The following NAV3 variants were observed in gnomAD, a reference collection of about 807,000 sequenced individuals.
NAV3 encodes neuron navigator 3, also known as pore membrane and/or filament interacting like protein 1.
In NAV3, 87 loss-of-function variants were observed where a neutral mutation model predicts 244.7. The observed-to-expected ratio is 0.36, with a 90% CI of 0.30 to 0.42. The LOEUF (loss-of-function observed/expected upper bound fraction) is 0.42, where lower values mean the gene tolerates loss of function less well. Ranked by LOEUF, NAV3 falls within the 20% of genes least tolerant of loss-of-function variation. NAV3 has a pLI of 1.00. For missense variants in NAV3, 2,663 were observed against 2,893.3 expected, an observed-to-expected ratio of 0.92 and a Z score of 1.83; for synonymous variants, 1,126 against 1,042.2, an observed-to-expected ratio of 1.08 and a Z score of -1.55.
intron 2 of NAV3, among the ~76,000 whole-genome samples, chr12:77,734,794 A>C (rs148927529): frequency 1.5e-4 from 23 of 152,284 alleles, no homozygotes; most frequent in African/African-American, 5.5e-4. Context: ...GCTAGGCAGG[A>C]CTGCCTAATG....
intron 7 of NAV3, among the ~76,000 whole-genome samples, chr12:78,001,534 G>A (rs1873306738): frequency 1.3e-5 from 2 of 152,282 alleles, no homozygotes; most frequent in South Asian, 2.1e-4. Context: ...CTTTTCATAT[G>A]TATGATTTGT....
intron 2 of NAV3, among the ~76,000 whole-genome samples, chr12:77,758,200 ACTCT>A (rs1869280422): frequency 6.6e-6 from 1 of 151,742 alleles, no homozygotes; most frequent in Non-Finnish European, 1.5e-5. Context: ...TCTTTTCATC[ACTCT>A]CTATCCTTTT....
chr12:77,702,553 C>G (rs1017165536), intron 2 of NAV3, among the ~76,000 whole-genome samples: 1 of 151,840 alleles, frequency 6.6e-6, no homozygotes, highest in Non-Finnish European at 1.5e-5. Flanking sequence ...TTCATAAAAA[C>G]AGATTTGAAT....
chr12:78,188,528 C>G (rs989257198), intron 32 of NAV3, 81 bp from the exon 33 acceptor site: 6 of 1,389,964 alleles, frequency 4.3e-6, no homozygotes, highest in African/African-American at 1.4e-5. Context: ...ACAACTAGCT[C>G]TATATCCCTG....
chr12:77,846,254 A>G (rs1876614293), intron 1 of NAV3, among the ~76,000 whole-genome samples: 1 of 152,236 alleles, frequency 6.6e-6, no homozygotes, highest in African/African-American at 2.4e-5. Flanking sequence ...TTTAGGTATG[A>G]ACTATCTGAG....
At chr12:77,667,280 G>A (rs184166318) in intron 2 of NAV3, among the ~76,000 whole-genome samples, 10 of 152,248 alleles carry the variant, frequency 6.6e-5, no homozygotes, top group African/African-American at 2.4e-4. Context: ...GAAGGAACTG[G>A]ATTGCTGCCG....
chr12:77,959,720 AAATTT>A (rs1891702122), intron 3 of NAV3, among the ~76,000 whole-genome samples: 1 of 151,838 alleles, frequency 6.6e-6, no homozygotes, highest in East Asian at 1.9e-4. Context: ...TAATGGTAAC[AAATTT>A]TCCCCACACA....
chr12:78,051,281 G>A, intron 11 of NAV3, 134 bp downstream of exon 11: 1 of 935,288 alleles, frequency 1.1e-6, no homozygotes, highest in Non-Finnish European at 1.6e-6. Flanking sequence ...GTTATTCAGA[G>A]TGTTGAAGGG....
At chr12:77,828,274 G>A (rs1265181274), upstream of NAV3, among the ~76,000 whole-genome samples, 1 of 152,088 alleles carries the variant, frequency 6.6e-6, no homozygotes, top group African/African-American at 2.4e-5. Flanking sequence ...TCCACCATGG[G>A]TAGATGCAGC....
intron 12 of NAV3, among the ~76,000 whole-genome samples, chr12:78,060,728 A>C (rs1195590550): frequency 6.6e-6 from 1 of 152,226 alleles, no homozygotes; most frequent in Non-Finnish European, 1.5e-5. Flanking sequence ...AAAATGAGTT[A>C]TGTGAAAAAT....
At chr12:77,591,771 A>G (rs1180077398) in intron 2 of NAV3, among the ~76,000 whole-genome samples, 1 of 152,194 alleles carries the variant, frequency 6.6e-6, no homozygotes, top group Non-Finnish European at 1.5e-5. Flanking sequence ...ATGTATGTGT[A>G]TGTTTGTATA....
rs12296835 is a variant in NAV3 at position 77,758,357 on chromosome 12, G to A, written c.73-181962G>A. On this transcript the variant is annotated intron_variant, in intron 2 of 8. Transcript: ENST00000550042. ...CAGAGACTATTTTGTTCATTGTACA[G>A]CCTAGTACCTACAATGTTAGTTGGC... Among the ~76,000 whole-genome samples the A allele has an allele frequency of 7.0e-3, 1,068 of 152,200 alleles. 15 individuals carry two copies. The highest frequency in any genetic ancestry group is 0.025 in the African/African-American group (1,026 of 41,514).
At chr12:77,786,288 TG>T (rs201199848) in intron 2 of NAV3, among the ~76,000 whole-genome samples, 50 of 152,316 alleles carry the variant, frequency 3.3e-4, no homozygotes, top group African/African-American at 1.2e-3. Context: ...TGATATTATT[TG>T]TTTTTTTTCC....
chr12:78,119,327 G>A lies in NAV3; in HGVS notation c.3131G>A (p.Ser1044Asn), dbSNP rs910416418. 2 of 1,614,170 alleles carry A rather than the reference G, an allele frequency of 1.2e-6. No homozygotes were observed. Among genetic ancestry groups the A allele is most frequent in the African/African-American group, 1.3e-5 (1 of 75,034 alleles). ...AGATCTCCTTCAGATGCAGGAAAAAGCAGTGGAGATGAAGGGAAAAAGCCC... is the reference window on the plus strand; with the variant it reads ...AGATCTCCTTCAGATGCAGGAAAAAACAGTGGAGATGAAGGGAAAAAGCCC... ...LQRSPSDAGK[S>N]SGDEGKKPPS... The change falls in exon 15 of 40, where the codon AGC becomes AAC. Residue 1044 changes from serine to asparagine, a missense_variant. By Grantham distance (46) the Ser-to-Asn change is conservative. Transcript: ENST00000397909.
chr12:77,736,555 T>C (rs1592632478), intron 2 of NAV3, among the ~76,000 whole-genome samples: 1 of 152,196 alleles, frequency 6.6e-6, no homozygotes, highest in East Asian at 1.9e-4. Flanking sequence ...CTTCTTTCCA[T>C]GTGGCCACTC....
chr12:78,009,989 A>G (rs1326323854), intron 8 of NAV3, among the ~76,000 whole-genome samples: 1 of 152,136 alleles, frequency 6.6e-6, no homozygotes, highest in Non-Finnish European at 1.5e-5. Context: ...CCAAGGTGGG[A>G]GGATGACTTG....
chr12:77,931,400 T>TGTAGC (rs142755250), intron 1 of NAV3, among the ~76,000 whole-genome samples: 1 of 33,210 alleles, frequency 3.0e-5, no homozygotes, highest in East Asian at 5.6e-3. Flanking sequence ...ACTTCTCATT[T>TGTAGC]CTAGGGTATT....
At chr12:78,033,849 G>A (rs563102740) in intron 9 of NAV3, among the ~76,000 whole-genome samples, 1 of 152,220 alleles carries the variant, frequency 6.6e-6, no homozygotes, top group East Asian at 1.9e-4. Flanking sequence ...TGAAATACAA[G>A]TGGAAAAATG....
chr12:78,177,406 T>C (rs1020461), intron 27 of NAV3, 93 bp downstream of exon 27: 477,903 of 1,386,762 alleles, frequency 0.34, 84,279 homozygotes, highest in South Asian at 0.49. Flanking sequence ...CTGTACCAAT[T>C]ATTTTCAGAT....
Sources: gnomAD v4.1 joint callset for allele counts (sites outside exome capture counted in the v4.1 genomes callset) on GRCh38, gnomAD v4.1.1 for gene constraint, MANE v1.5 for transcripts, NCBI Gene and HGNC (gene_info 2026-07-23, HGNC 2026-07-21) for gene names.